TBC1D5: variants seen among roughly 807,000 people sequenced by gnomAD.
The protein encoded by TBC1D5 is TBC1 domain family, member 5.
Under a neutral mutation model 100.3 loss-of-function variants are expected in TBC1D5, and 75 were observed. The ratio of observed to expected loss-of-function variants is 0.75; its 90% confidence interval spans 0.62 to 0.91. The LOEUF (loss-of-function observed/expected upper bound fraction) is 0.91. Ranked by LOEUF, TBC1D5 falls within the 40% of genes least tolerant of loss-of-function variation. The probability of loss-of-function intolerance (pLI) is 0.00; values close to 1 mark genes in which losing one functional copy is unlikely to be tolerated. For missense variants in TBC1D5, 910 were observed against 942.4 expected (o/e 0.97, Z 0.45); for synonymous variants, 323 against 325.6 (o/e 0.99, Z 0.09).
chr3:17,700,376 C>G (rs921337691), intron 1 of TBC1D5, among the ~76,000 whole-genome samples: 1 of 152,092 alleles, frequency 6.6e-6, no homozygotes, highest in Non-Finnish European at 1.5e-5. Flanking sequence ...CATAAAAACC[C>G]TAGAAGAAAA....
intron 2 of TBC1D5, among the ~76,000 whole-genome samples, chr3:17,550,149 G>T (rs964016725): frequency 2.6e-5 from 4 of 152,024 alleles, no homozygotes; most frequent in Admixed American, 2.0e-4. Context: ...TGTTTACGTG[G>T]ATAAATGATA....
chr3:17,284,744 C>T (rs1446151461), intron 15 of TBC1D5, among the ~76,000 whole-genome samples: 1 of 152,004 alleles, frequency 6.6e-6, no homozygotes, highest in African/African-American at 2.4e-5. Flanking sequence ...CATATTATTC[C>T]TTACAAATCT....
At chr3:17,551,128 A>C (rs1031707179) in intron 2 of TBC1D5, among the ~76,000 whole-genome samples, 1 of 152,180 alleles carries the variant, frequency 6.6e-6, no homozygotes, top group Non-Finnish European at 1.5e-5. Context: ...ATACAGCAAA[A>C]GATTTCCTCC....
At chr3:17,430,665 A>G (rs946755774) in intron 3 of TBC1D5, among the ~76,000 whole-genome samples, 3 of 151,910 alleles carry the variant, frequency 2.0e-5, no homozygotes, top group African/African-American at 4.8e-5. Flanking sequence ...TGTTCCCTCA[A>G]TCCTCTAGTT....
At chr3:17,640,227 C>T (rs184021951) in intron 1 of TBC1D5, among the ~76,000 whole-genome samples, 93 of 152,002 alleles carry the variant, frequency 6.1e-4, no homozygotes, top group Non-Finnish European at 1.1e-3. Flanking sequence ...AAATCAGGTG[C>T]CATTTGGTGT....
At chr3:17,531,368 A>G (rs1474028552) in intron 2 of TBC1D5, among the ~76,000 whole-genome samples, 7 of 152,204 alleles carry the variant, frequency 4.6e-5, no homozygotes. Context: ...TTCCATGCTC[A>G]TGGGTAGGAA....
chr3:17,195,756 T>C (rs2070590815), intron 18 of TBC1D5, among the ~76,000 whole-genome samples: 1 of 8,676 alleles, frequency 1.2e-4, no homozygotes, highest in Non-Finnish European at 1.6e-4. Flanking sequence ...ATTTCTTTCT[T>C]TTTTTTTTTT....
chr3:17,509,582 C>T (rs2095879249), intron 2 of TBC1D5, among the ~76,000 whole-genome samples: 1 of 151,878 alleles, frequency 6.6e-6, no homozygotes, highest in East Asian at 1.9e-4. Flanking sequence ...GTTTCTCTGA[C>T]ATTTGTTTAT....
intron 1 of TBC1D5, among the ~76,000 whole-genome samples, chr3:17,733,350 G>C (rs2076714533): frequency 6.6e-6 from 1 of 152,164 alleles, no homozygotes. Context: ...TCACCATAAG[G>C]ATCTTACCGG....
intron 18 of TBC1D5, 22 bp downstream of exon 19, chr3:17,214,184 GA>G: frequency 6.3e-7 from 1 of 1,595,014 alleles, no homozygotes; most frequent in East Asian, 2.3e-5. Context: ...AGAACGAAGA[GA>G]AAACTGTCCT....
chr3:17,451,780 G>A (rs147928984), intron 3 of TBC1D5, among the ~76,000 whole-genome samples: 54 of 152,146 alleles, frequency 3.5e-4, no homozygotes, highest in African/African-American at 1.3e-3. Context: ...AATATTAGCC[G>A]GGCGTGGTGG....
At chr3:17,267,216 A>G (rs2078941046) in intron 15 of TBC1D5, among the ~76,000 whole-genome samples, 1 of 152,178 alleles carries the variant, frequency 6.6e-6, no homozygotes, top group African/African-American at 2.4e-5. Flanking sequence ...ATGCCAGAGT[A>G]ACATACCCCC....
chr3:17,441,839 T>C (rs2094665426), intron 3 of TBC1D5, among the ~76,000 whole-genome samples: 1 of 152,184 alleles, frequency 6.6e-6, no homozygotes, highest in African/African-American at 2.4e-5. Flanking sequence ...GATTTCTCAA[T>C]AAGACTTAAA....
At chr3:17,580,484 C>T (rs972646629) in intron 2 of TBC1D5, among the ~76,000 whole-genome samples, 1 of 152,128 alleles carries the variant, frequency 6.6e-6, no homozygotes, top group Non-Finnish European at 1.5e-5. Context: ...GGATCTGTGC[C>T]GATATGCTCC....
intron 1 of TBC1D5, among the ~76,000 whole-genome samples, chr3:17,689,187 T>C (rs2070735473): frequency 6.6e-6 from 1 of 151,956 alleles, no homozygotes; most frequent in East Asian, 1.9e-4. Context: ...TTGGCCAAAA[T>C]AGCAAACAAA....
At chr3:17,704,544 C>T (rs1160243864) in intron 1 of TBC1D5, among the ~76,000 whole-genome samples, 4 of 82,464 alleles carry the variant, frequency 4.9e-5, no homozygotes, top group Admixed American at 1.3e-4. Flanking sequence ...GCTGGCCGGG[C>T]GGGGGGCCGA....
intron 2 of TBC1D5, among the ~76,000 whole-genome samples, chr3:17,583,538 C>T (rs2096713318): frequency 6.6e-6 from 1 of 152,076 alleles, no homozygotes; most frequent in South Asian, 2.1e-4. Flanking sequence ...CCAGCCTTGG[C>T]AACATGGAAA....
chr3:17,479,872 G>A (rs1164977671), intron 3 of TBC1D5, among the ~76,000 whole-genome samples: 1 of 152,144 alleles, frequency 6.6e-6, no homozygotes, highest in Non-Finnish European at 1.5e-5. Flanking sequence ...GACAGGCAGG[G>A]AGCCCCTCTT....
intron 1 of TBC1D5, among the ~76,000 whole-genome samples, chr3:17,699,553 T>TAAAG (rs200900101): frequency 2.4e-4 from 34 of 141,530 alleles, no homozygotes; most frequent in Non-Finnish European, 3.7e-4. Flanking sequence ...TAATAATAAA[T>TAAAG]AGATTTTTAA....
Sources: allele counts gnomAD v4.1 joint callset (sites outside exome capture counted in the v4.1 genomes callset), GRCh38; gene constraint gnomAD v4.1.1; transcripts MANE v1.5; gene names NCBI Gene and HGNC (gene_info 2026-07-23, HGNC 2026-07-21).